The following CHD2 variants were observed in gnomAD, a reference collection of about 807,000 sequenced individuals.
CHD2 encodes ATP-dependent chromatin remodeler CHD2.
A neutral mutation model predicts 243.9 loss-of-function variants in CHD2; 28 were observed. That is an observed-to-expected ratio of 0.11 (90% CI 0.09 to 0.16). The LOEUF is 0.16. Ranked by LOEUF, CHD2 falls within the 10% of genes least tolerant of loss-of-function variation. CHD2 has a pLI of 1.00. For missense variants in CHD2, 1,386 were observed against 2,209.8 expected (o/e 0.63, Z 7.47); for synonymous variants, 775 against 779.0 (o/e 0.99, Z 0.09).
At chr15:92,961,371 A>G (rs1040961450) in intron 16 of CHD2, among the ~76,000 whole-genome samples, 8 of 152,172 alleles carry the variant, frequency 5.3e-5, no homozygotes, top group Non-Finnish European at 7.3e-5. Flanking sequence ...TTGTTGGCAT[A>G]AAGTTATAGT....
rs757925617 is a variant in CHD2 at position 92,971,909 on chromosome 15, T to C, written c.2334T>C (p.Asn778=). 2 of 1,611,288 alleles carry C rather than the reference T, an allele frequency of 1.2e-6. No individual in the cohort carries two copies. The highest frequency in any genetic ancestry group is 2.2e-5 in the East Asian group (1 of 44,826). ...IKPPEENERE[N]GQEILLSLIR... is the part of the protein sequence containing the mutation. ...CCCCTGAAGAAAATGAAAGGGAAAA[T>C]GGACAGGAGATTCTTCTGGTAGGTA... The change falls in exon 18 of 39, where the codon AAT becomes AAC. Residue 778 remains asparagine (N), a synonymous_variant. Transcript: ENST00000394196.
At position 92,997,388 on chromosome 15, in the gene CHD2, T is replaced by G; in HGVS notation, c.3870T>G (p.Leu1290=). The G allele has an allele frequency of 6.3e-7, 1 of 1,586,024 alleles. No individual in the cohort carries two copies. The highest frequency in any genetic ancestry group is 1.2e-5 in the South Asian group (1 of 86,358). Residue 1290 remains leucine, a synonymous_variant, in exon 30 of 39, where the codon CTT becomes CTG. Coordinates refer to ENST00000394196, the MANE Select transcript of CHD2 (RefSeq NM_001271.4). The surrounding 1 kb of genome is among the most constrained non-coding windows in gnomAD (Gnocchi z 4.1). ...AGTTAATTAAAACAGACCCAGAGCT[T>G]AAATTAACTGACAAAGTAAGTAACC... ...NWELIKTDPE[L]KLTDKILPVE... is the part of the protein sequence containing the mutation.
chr15:92,982,058 A>G (rs2053986993), intron 24 of CHD2, among the ~76,000 whole-genome samples: 1 of 152,200 alleles, frequency 6.6e-6, no homozygotes, highest in South Asian at 2.1e-4. Flanking sequence ...AAGCAAGACA[A>G]GGTTTTTGAA....
chr15:92,961,876 C>CTTTTTTTTT lies in CHD2; in HGVS notation c.2000+5242_2000+5250dup, dbSNP rs3064790. Among the ~76,000 whole-genome samples, 77 of 78,602 alleles carry CTTTTTTTTT rather than the reference C, an allele frequency of 9.8e-4. 3 individuals carry two copies. Among genetic ancestry groups the CTTTTTTTTT allele is most frequent in the East Asian group, 2.3e-3 (4 of 1,748 alleles). 51.6% of individuals were successfully genotyped at this position (78,602 alleles called of 152,430 possible). On this transcript the variant is annotated intron_variant, in intron 16 of 38. Transcript: ENST00000394196. ...GGTTTCTTCCTCTGTTTTTTCTTCT[C>CTTTTTTTTT]TTTTTTTTTTTTTTTTTTTTTTTGA...
chr15:93,023,478 TGGTGTACA>T (rs1467170994), intron 38 of CHD2, among the ~76,000 whole-genome samples: 1 of 152,216 alleles, frequency 6.6e-6, no homozygotes, highest in Non-Finnish European at 1.5e-5. Context: ...CAGTGAAGAT[TGGTGTACA>T]GGTACTTGAC....
intron 2 of CHD2, among the ~76,000 whole-genome samples, chr15:92,922,697 C>T (rs12443243): frequency 0.47 from 71,565 of 151,952 alleles, 17,803 homozygotes; most frequent in East Asian, 0.85. Context: ...TGGGTTTTTC[C>T]TTGCCCCCCT....
rs948051572 is a variant in CHD2, at chr15:93,024,820, T to C, written c.*115T>C. 6 of 877,314 alleles carry C rather than the reference T, an allele frequency of 6.8e-6. No individual in the cohort carries two copies. The African/African-American group carries it at 1.0e-4, about 15-fold the overall frequency. The allele number at this position is 877,314 out of a possible 1,614,324, so 54.3% of individuals were successfully genotyped here. On this transcript the variant is annotated 3_prime_UTR_variant, in exon 39 of 39. Transcript: ENST00000394196. ...AGTGGAGTTTTGGACATGCTGCTGC[T>C]GTCAACTCACTGGCTGAAGGAGCAC...
In CHD2 at chr15:92,910,803, A is replaced by G. The variant is rs115856487; in HGVS notation, c.62+9504A>G. Among the ~76,000 whole-genome samples the G allele has an allele frequency of 5.2e-3, 790 of 152,286 alleles. 6 individuals carry two copies. Among genetic ancestry groups the G allele is most frequent in the African/African-American group, 0.018 (730 of 41,550 alleles). On this transcript the variant is annotated intron_variant, in intron 2 of 38. Coordinates refer to ENST00000394196, the MANE Select transcript of CHD2 (RefSeq NM_001271.4). The stretch of plus-strand genomic sequence containing the variant: ...ATTTGTTTATGCTGGTTGTACGGTC[A>G]TGTGTTGCTTAGCAATGGAGATACA...
At chr15:93,007,619 T>G (rs762557395) in intron 34 of CHD2, among the ~76,000 whole-genome samples, 4 of 152,200 alleles carry the variant, frequency 2.6e-5, no homozygotes, top group Non-Finnish European at 5.9e-5. Context: ...TCTTACTTAG[T>G]TCATTGTGCC....
At chr15:92,941,708 C>A in intron 7 of CHD2, 114 bp from the exon 8 acceptor site, 1 of 1,083,152 alleles carries the variant, frequency 9.2e-7, no homozygotes, top group Non-Finnish European at 1.3e-6. Context: ...ATCTATAAAA[C>A]AACATGCTTT....
Position 92,900,695 on chromosome 15 carries a change from T to C in CHD2, c.-201T>C. On this transcript the variant is annotated 5_prime_UTR_variant, in exon 1 of 39. Coordinates refer to ENST00000394196, the MANE Select transcript of CHD2 (RefSeq NM_001271.4). ...GCTTTATTTTTTTGACCAGTTAACATATTTGAGGGTTATTTTATTTATTTT... is the reference window on the plus strand; with the variant it reads ...GCTTTATTTTTTTGACCAGTTAACACATTTGAGGGTTATTTTATTTATTTT... 2 of 398,104 alleles carry C rather than the reference T, an allele frequency of 5.0e-6. No homozygotes were observed. Among genetic ancestry groups the C allele is most frequent in the Non-Finnish European group, 8.9e-6 (2 of 225,916 alleles). 24.7% of individuals were successfully genotyped at this position (398,104 alleles called of 1,614,324 possible). A position where few individuals can be genotyped will look rare whatever the true frequency, so the allele number is the denominator to read the frequency against.
intron 38 of CHD2, chr15:93,020,555 C>T (rs769560735): frequency 1.6e-5 from 9 of 563,494 alleles, no homozygotes; most frequent in African/African-American, 9.4e-5. Flanking sequence ...AAGCTCTGTG[C>T]GAGGCTGTCA....
intron 2 of CHD2, among the ~76,000 whole-genome samples, chr15:92,917,771 GTGA>G (rs2052870024): frequency 6.6e-6 from 1 of 152,148 alleles, no homozygotes; most frequent in South Asian, 2.1e-4. Flanking sequence ...AGACTGTGGG[GTGA>G]TATCTTACAC....
chr15:92,957,839 G>T (rs370380334), intron 16 of CHD2, among the ~76,000 whole-genome samples: 8 of 152,132 alleles, frequency 5.3e-5, no homozygotes, highest in African/African-American at 1.7e-4. Context: ...TCCACATATA[G>T]CCTTAGGCAA....
intron 17 of CHD2, among the ~76,000 whole-genome samples, chr15:92,968,071 GCTC>G (rs2141831505): frequency 6.6e-6 from 1 of 152,210 alleles, no homozygotes; most frequent in African/African-American, 2.4e-5. Context: ...ATCGATATAA[GCTC>G]CATGCATTTT....
intron 32 of CHD2, 80 bp from the exon 33 acceptor site, chr15:93,002,097 G>T: frequency 2.0e-6 from 3 of 1,514,782 alleles, no homozygotes; most frequent in Non-Finnish European, 2.6e-6. Flanking sequence ...ACCACTGGGG[G>T]CAGTGCTTCT....
At chr15:92,950,320 G>A (rs1489101273) in intron 13 of CHD2, 2 of 152,172 alleles carry the variant, frequency 1.3e-5, no homozygotes, top group Admixed American at 6.5e-5. Context: ...TTAACAAAAA[G>A]GGAAACTTTG....
Position 92,905,444 on chromosome 15 carries a change from G to A in CHD2, c.62+4145G>A, listed in dbSNP as rs190917855. Among the ~76,000 whole-genome samples, 801 of 152,284 alleles carry A rather than the reference G, an allele frequency of 5.3e-3. 9 individuals carry two copies. Among genetic ancestry groups the A allele is most frequent in the African/African-American group, 0.017 (715 of 41,560 alleles). On this transcript the variant is annotated intron_variant, in intron 2 of 38. Transcript: ENST00000394196. ...AGTGGATTTATCTACTGTGGACAAA[G>A]TTTTTTTCCTGCCATACTAGAGTTT...
At chr15:93,014,640 C>A in intron 36 of CHD2, 56 bp from the exon 37 acceptor site, 1 of 1,514,968 alleles carries the variant, frequency 6.6e-7, no homozygotes, top group Non-Finnish European at 9.1e-7. Flanking sequence ...CTTTATTCTT[C>A]TCTGGGGAAT....
Sources: gnomAD v4.1 joint callset for allele counts (sites outside exome capture counted in the v4.1 genomes callset) on GRCh38, gnomAD v4.1.1 for gene constraint, Gnocchi (gnomAD v3.1) non-coding constraint, MANE v1.5 for transcripts, NCBI Gene and HGNC (gene_info 2026-07-23, HGNC 2026-07-21) for gene names.